NPSR1: variants seen among roughly 807,000 people sequenced by gnomAD.
NPSR1 encodes neuropeptide S receptor 1, also known as neuropeptide S receptor.
In NPSR1, 48 loss-of-function variants were observed where a neutral mutation model predicts 46.9. The ratio of observed to expected loss-of-function variants is 1.02; its 90% CI spans 0.81 to 1.30. NPSR1 has a LOEUF of 1.30. Among genes scored for constraint, NPSR1 ranks in the 50% most tolerant of loss-of-function variants. NPSR1 has a pLI of 0.00. For synonymous variants in NPSR1, 176 were observed against 168.1 expected (o/e 1.05, Z -0.36); for missense variants, 450 against 449.5 (o/e 1.00, Z -0.01).
chr7:34,670,877 CTG>C (rs983122296), intron 1 of NPSR1, among the ~76,000 whole-genome samples: 2 of 151,992 alleles, frequency 1.3e-5, no homozygotes. Context: ...TTCTGTAAAA[CTG>C]TTTGTGGGAG....
At chr7:34,749,730 CAATT>C in intron 2 of NPSR1, among the ~76,000 whole-genome samples, 1 of 152,334 alleles carries the variant, frequency 6.6e-6, no homozygotes, top group Non-Finnish European at 1.5e-5. Flanking sequence ...ATAACTGACA[CAATT>C]AAAGTTCAAT....
chr7:34,738,029 G>A (rs1179457003), intron 2 of NPSR1, among the ~76,000 whole-genome samples: 3 of 152,082 alleles, frequency 2.0e-5, no homozygotes, highest in Non-Finnish European at 4.4e-5. Flanking sequence ...GGCACATTAC[G>A]GACATTTAAC....
chr7:34,863,179 T>A (rs1234146869), intron 8 of NPSR1, among the ~76,000 whole-genome samples: 1 of 151,864 alleles, frequency 6.6e-6, no homozygotes, highest in Non-Finnish European at 1.5e-5. Flanking sequence ...GCTAGCCATA[T>A]GCAGAAAACT....
intron 5 of NPSR1, among the ~76,000 whole-genome samples, chr7:34,832,980 A>C (rs1790188042): frequency 6.6e-6 from 1 of 152,178 alleles, no homozygotes; most frequent in South Asian, 2.1e-4. Context: ...GTCCCTGGGC[A>C]ATTATATAAG....
At chr7:34,729,306 A>T (rs1784310736) in intron 2 of NPSR1, among the ~76,000 whole-genome samples, 1 of 152,200 alleles carries the variant, frequency 6.6e-6, no homozygotes, top group South Asian at 2.1e-4. Flanking sequence ...TGAATAAAAA[A>T]GTCAAAGCAT....
In NPSR1 at chr7:34,751,469, G is replaced by A. The variant is rs914959781; in HGVS notation, c.281-26993G>A. ...AACAGTTCCATCTTGCAGAAGCCGC[G>A]GATTAGTTCTGCCTCCGTGTCATCT... On this transcript the variant is annotated intron_variant, in intron 2 of 8. Transcript: ENST00000360581. 3.1e-5 allele frequency: 37 copies of A among 1,175,012 alleles called. 1 individual carries two copies. The highest frequency in any genetic ancestry group is 2.3e-4 in the East Asian group (10 of 42,818). The allele number at this position is 1,175,012 out of a possible 1,614,324, so 72.8% of individuals were successfully genotyped here.
chr7:34,852,811 A>G (rs1440721289), downstream of NPSR1, among the ~76,000 whole-genome samples: 1 of 152,196 alleles, frequency 6.6e-6, no homozygotes, highest in Admixed American at 6.5e-5. Context: ...CAAAAAGTCT[A>G]CGGTTACATT....
At chr7:34,794,562 G>A (rs1788087646) in intron 3 of NPSR1, among the ~76,000 whole-genome samples, 1 of 152,032 alleles carries the variant, frequency 6.6e-6, no homozygotes, top group South Asian at 2.1e-4. Context: ...TTCCAAAACA[G>A]AAAGCATCAA....
intron 2 of NPSR1, among the ~76,000 whole-genome samples, chr7:34,696,823 T>C (rs190878307): frequency 1.3e-5 from 2 of 151,820 alleles, no homozygotes; most frequent in Non-Finnish European, 2.9e-5. Flanking sequence ...AAAACACAAA[T>C]ACATAAAGCA....
intron 1 of NPSR1, among the ~76,000 whole-genome samples, chr7:34,662,013 C>T (rs1164472108): frequency 6.6e-6 from 1 of 152,148 alleles, no homozygotes; most frequent in Admixed American, 6.5e-5. Context: ...AATTCACCAG[C>T]AATGTTTCCT....
chr7:34,750,947 G>A (rs1023548118), intron 2 of NPSR1: 9 of 755,922 alleles, frequency 1.2e-5, no homozygotes, highest in Admixed American at 1.0e-4. Flanking sequence ...GGTGGCTGAT[G>A]ATATCTGGAA....
intron 3 of NPSR1, among the ~76,000 whole-genome samples, chr7:34,804,333 G>C (rs1788582276): frequency 6.6e-6 from 1 of 152,064 alleles, no homozygotes; most frequent in Admixed American, 6.6e-5. Flanking sequence ...CCGTGGCCAA[G>C]TGAGATTTAT....
chr7:34,822,356 G>A (rs1789600270), intron 4 of NPSR1, among the ~76,000 whole-genome samples: 1 of 152,152 alleles, frequency 6.6e-6, no homozygotes, highest in African/African-American at 2.4e-5. Context: ...GGAGAAACCA[G>A]GAGGGAGTCA....
rs555006492 is a variant in NPSR1 at position 34,733,896 on chromosome 7, T to C, written c.281-44566T>C. Among the ~76,000 whole-genome samples the C allele has an allele frequency of 4.6e-5, 7 of 152,300 alleles. No homozygotes were observed. In the South Asian group the frequency reaches 1.4e-3, roughly 32 times the overall value. ...GCCGAGGACTACTTTGGTACTGCTA[T>C]AGAAAACTGGGAGGGGGAAGGGACA... On this transcript the variant is annotated intron_variant, in intron 2 of 8. Coordinates refer to ENST00000360581, the MANE Select transcript of NPSR1 (RefSeq NM_207172.2).
chr7:34,746,773 G>T (rs1412196790), intron 2 of NPSR1, among the ~76,000 whole-genome samples: 1 of 152,174 alleles, frequency 6.6e-6, no homozygotes, highest in Admixed American at 6.5e-5. Flanking sequence ...AGGCTACCTG[G>T]ATCCAAGAAT....
In NPSR1 at chr7:34,658,251, C is replaced by G; in HGVS notation, c.-162C>G. 1 of 694,588 alleles carries G rather than the reference C, an allele frequency of 1.4e-6. No individual in the cohort carries two copies. The allele number at this position is 694,588 out of a possible 1,614,324, so 43.0% of individuals were successfully genotyped here. ...CCAAGGAGAGAGCAGCACGTAGATC[C>G]TCCCTGTCATCAGGCAGAGCTCTTC... On this transcript the variant is annotated 5_prime_UTR_variant, in exon 1 of 9. Transcript: ENST00000360581.
intron 8 of NPSR1, among the ~76,000 whole-genome samples, chr7:34,869,743 G>A (rs1452822933): frequency 6.6e-6 from 1 of 151,698 alleles, no homozygotes; most frequent in African/African-American, 2.4e-5. Context: ...AAGACCAAAA[G>A]TCCCTGACTT....
At position 34,836,521 on chromosome 7, in the gene NPSR1, T is replaced by G. The variant is rs193134033; in HGVS notation, c.757+2061T>G. Among the ~76,000 whole-genome samples, 25 of 152,168 alleles carry G rather than the reference T, an allele frequency of 1.6e-4. 1 individual carries two copies. The highest frequency in any genetic ancestry group is 5.9e-4 in the Admixed American group (9 of 15,286). ...ATATGGAAACAATCATATATTAGAT[T>G]GTTGTATCATATGCTACAAGGAAAT... On this transcript the variant is annotated intron_variant, in intron 6 of 8. Coordinates refer to ENST00000360581, the MANE Select transcript of NPSR1 (RefSeq NM_207172.2).
Position 34,707,942 on chromosome 7 carries a change from T to C in NPSR1, c.280+23258T>C, listed in dbSNP as rs149205868. 1.2e-3 allele frequency among the ~76,000 whole-genome samples: 187 copies of C among 152,374 alleles called. 4 individuals carry two copies. Among genetic ancestry groups the C allele is most frequent in the Admixed American group, 0.011 (169 of 15,306 alleles). The stretch of plus-strand genomic sequence containing the variant: ...GAGGCCTTTCTCATTGGATTGTAGA[T>C]GGCTGTCTTCTCCGTTTTTTTCACA... On this transcript the variant is annotated intron_variant, in intron 2 of 8. Coordinates refer to ENST00000360581, the MANE Select transcript of NPSR1 (RefSeq NM_207172.2).
Sources: allele counts gnomAD v4.1 joint callset (sites outside exome capture counted in the v4.1 genomes callset), GRCh38; gene constraint gnomAD v4.1.1; transcripts MANE v1.5; gene names NCBI Gene and HGNC (gene_info 2026-07-23, HGNC 2026-07-21).